The following PCDH15 variants were observed in gnomAD, a reference collection of about 807,000 sequenced individuals.
PCDH15 encodes the protein protocadherin-15.
Under a neutral mutation model 178.5 loss-of-function variants are expected in PCDH15, and 129 were observed. The ratio of observed to expected loss-of-function variants is 0.72; its 90% CI spans 0.63 to 0.84. The LOEUF (loss-of-function observed/expected upper bound fraction) is 0.84, where lower values mean the gene tolerates loss of function less well. Ranked by LOEUF, PCDH15 falls within the 40% of genes least tolerant of loss-of-function variation. The probability of loss-of-function intolerance (pLI) is 0.00; values close to 1 mark genes in which losing one functional copy is unlikely to be tolerated. For synonymous variants in PCDH15, 800 were observed against 732.0 expected (o/e 1.09, Z -1.50); for missense variants, 2,230 against 2,099.9 (o/e 1.06, Z -1.21).
intron 2 of PCDH15, among the ~76,000 whole-genome samples, chr10:55,008,116 G>A (rs968823873): frequency 1.3e-5 from 2 of 151,960 alleles, no homozygotes; most frequent in Non-Finnish European, 2.9e-5. Context: ...ATGTCTGCTC[G>A]TTTTAAATAG....
intron 9 of PCDH15, among the ~76,000 whole-genome samples, chr10:54,221,137 A>T (rs1180838286): frequency 1.3e-5 from 2 of 152,124 alleles, no homozygotes; most frequent in African/African-American, 2.4e-5. Flanking sequence ...TGTAAAATTG[A>T]TAACTATGTT....
Position 53,857,388 on chromosome 10 carries a change from G to A in PCDH15, c.3718-125C>T, listed in dbSNP as rs2078825022. On this transcript the variant is annotated intron_variant, in intron 27 of 37. Transcript: ENST00000644397. ...AGTGGTTTCTGATTTTCAAATTCAG[G>A]AACAAATATATATACATTTTTAATT... 9.8e-6 allele frequency: 7 copies of A among 714,836 alleles called. No homozygotes were observed. In the East Asian group the frequency reaches 1.4e-4, roughly 14 times the overall value. 44.3% of individuals were successfully genotyped at this position (714,836 alleles called of 1,614,324 possible).
chr10:53,822,083 GC>G (rs1588925658), intron 32 of PCDH15: 1 of 1,613,996 alleles, frequency 6.2e-7, no homozygotes, highest in East Asian at 2.2e-5. Context: ...GTCTGAGGAT[GC>G]CTTTTGGTTC....
At chr10:53,821,729 A>AG (rs746738871) in intron 32 of PCDH15, 1 of 1,518,274 alleles carries the variant, frequency 6.6e-7, no homozygotes, top group Non-Finnish European at 8.7e-7. Flanking sequence ...ATTAAAAACG[A>AG]GAAAAAAAAC....
At chr10:54,462,335 T>C (rs924240777) in intron 3 of PCDH15, among the ~76,000 whole-genome samples, 1 of 151,864 alleles carries the variant, frequency 6.6e-6, no homozygotes, top group Non-Finnish European at 1.5e-5. Flanking sequence ...CTATCTTACT[T>C]GACCTAAAAC....
At chr10:54,467,924 AT>A (rs974354104) in intron 3 of PCDH15, among the ~76,000 whole-genome samples, 3 of 151,530 alleles carry the variant, frequency 2.0e-5, no homozygotes, top group Admixed American at 2.0e-4. Flanking sequence ...GAACTTGTTC[AT>A]TTTTTCTAGG....
chr10:55,083,533 C>T (rs1620739), intron 2 of PCDH15, among the ~76,000 whole-genome samples: 69,051 of 151,556 alleles, frequency 0.46, 19,621 homozygotes, highest in African/African-American at 0.8. Context: ...TTCACTATTG[C>T]TATTTCCATA....
At chr10:55,417,710 G>T (rs10825503) in intron 2 of PCDH15, among the ~76,000 whole-genome samples, 64,004 of 150,466 alleles carry the variant, frequency 0.43, 14,495 homozygotes, top group Middle Eastern at 0.51. Flanking sequence ...AAATTTATTT[G>T]CTGGGATCCA....
At chr10:53,892,403 T>C (rs926268231) in intron 26 of PCDH15, among the ~76,000 whole-genome samples, 1 of 152,184 alleles carries the variant, frequency 6.6e-6, no homozygotes, top group Non-Finnish European at 1.5e-5. Flanking sequence ...ATTTCTATTA[T>C]AAGTAATACG....
intron 2 of PCDH15, among the ~76,000 whole-genome samples, chr10:55,364,119 G>C (rs570538996): frequency 1.3e-5 from 2 of 152,070 alleles, no homozygotes; most frequent in Admixed American, 1.3e-4. Flanking sequence ...TCCCCACTCC[G>C]CTTGGCACTG....
intron 8 of PCDH15, among the ~76,000 whole-genome samples, chr10:54,305,830 GA>G (rs80203563): frequency 0.014 from 2,114 of 147,882 alleles, 37 homozygotes; most frequent in African/African-American, 0.042. Flanking sequence ...GAATATTCTG[GA>G]AAAAAAAAAT....
At chr10:54,031,556 A>AC (rs35975809) in intron 18 of PCDH15, among the ~76,000 whole-genome samples, 47,837 of 151,770 alleles carry the variant, frequency 0.32, 9,580 homozygotes, top group Middle Eastern at 0.54. Flanking sequence ...AGAGAAGGAA[A>AC]AAAAAAAGAT....
intron 26 of PCDH15, among the ~76,000 whole-genome samples, chr10:53,874,266 A>T (rs2080071672): frequency 6.6e-6 from 1 of 152,112 alleles, no homozygotes; most frequent in South Asian, 2.1e-4. Flanking sequence ...CAGAAAGTTA[A>T]ATTCTCACCG....
chr10:54,231,474 T>G (rs1472977479), intron 9 of PCDH15, among the ~76,000 whole-genome samples: 1 of 152,202 alleles, frequency 6.6e-6, no homozygotes, highest in East Asian at 1.9e-4. Context: ...ACCAGGGCAG[T>G]GTGGAAGGGA....
chr10:55,054,337 T>G (rs1418554185), intron 2 of PCDH15, among the ~76,000 whole-genome samples: 7 of 152,172 alleles, frequency 4.6e-5, no homozygotes, highest in Admixed American at 4.6e-4. Context: ...TCCATCCATG[T>G]GCCTGAAAAG....
chr10:54,215,220 G>C (rs995531101), intron 9 of PCDH15, among the ~76,000 whole-genome samples: 2 of 152,038 alleles, frequency 1.3e-5, no homozygotes, highest in African/African-American at 4.8e-5. Flanking sequence ...ATCTGAAACA[G>C]AGCTTTTATT....
chr10:53,824,856 AAATTTAAG>A (rs1191598274), intron 32 of PCDH15, among the ~76,000 whole-genome samples: 1 of 152,004 alleles, frequency 6.6e-6, no homozygotes, highest in Non-Finnish European at 1.5e-5. Context: ...TAAGTTCTTA[AAATTTAAG>A]AATTTTTAAA....
chr10:54,389,965 C>A (rs11004272), intron 3 of PCDH15, among the ~76,000 whole-genome samples: 1 of 151,710 alleles, frequency 6.6e-6, no homozygotes, highest in Non-Finnish European at 1.5e-5. Flanking sequence ...AATAAAATAG[C>A]CATCCATATC....
chr10:54,883,607 CT>C, intron 3 of PCDH15, among the ~76,000 whole-genome samples: 1 of 151,888 alleles, frequency 6.6e-6, no homozygotes, highest in African/African-American at 2.4e-5. Context: ...AAAAATACTT[CT>C]AGGTAAAAGG....
Sources: allele counts gnomAD v4.1 joint callset (sites outside exome capture counted in the v4.1 genomes callset), GRCh38; gene constraint gnomAD v4.1.1; transcripts MANE v1.5; gene names NCBI Gene and HGNC (gene_info 2026-07-23, HGNC 2026-07-21).